EMCN: variants seen among roughly 807,000 people sequenced by gnomAD.
EMCN encodes endomucin, also known as MUC-14.
Under a neutral mutation model 38.4 loss-of-function variants are expected in EMCN, and 37 were observed. The observed-to-expected ratio is 0.96, with a 90% confidence interval of 0.74 to 1.27. EMCN has a LOEUF of 1.27. Ranked by LOEUF, EMCN falls within the 50% of genes most tolerant of loss-of-function variation. The pLI is 0.00. For missense variants in EMCN, 318 were observed against 302.8 expected (o/e 1.05, Z -0.37); for synonymous variants, 95 against 100.8 (o/e 0.94, Z 0.35).
intron 5 of EMCN, among the ~76,000 whole-genome samples, chr4:100,439,059 G>T (rs1727434539): frequency 6.6e-6 from 1 of 151,964 alleles, no homozygotes; most frequent in African/African-American, 2.4e-5. Flanking sequence ...AGACAGATTG[G>T]TCTGCATTTT....
chr4:100,501,629 TTTTC>T (rs1401162840), intron 1 of EMCN, among the ~76,000 whole-genome samples: 5 of 152,118 alleles, frequency 3.3e-5, no homozygotes, highest in Non-Finnish European at 5.9e-5. Context: ...GTCAATCCAG[TTTTC>T]TTTATTTCAA....
At chr4:100,443,431 T>C (rs1000147857) in intron 5 of EMCN, among the ~76,000 whole-genome samples, 6 of 152,240 alleles carry the variant, frequency 3.9e-5, no homozygotes, top group Admixed American at 2.6e-4. Flanking sequence ...CTTCTTTAGT[T>C]GTGATCAATG....
rs13122163 is a variant in EMCN at position 100,415,973 on chromosome 4, A to T, written c.690-14T>A. 0.11 allele frequency: 173,282 copies of T among 1,559,774 alleles called. 10,704 individuals carry two copies. Among genetic ancestry groups the T allele is most frequent in the Middle Eastern group, 0.15 (895 of 5,830 alleles). ...TCAGACTGAGGTCTATTTGAAAAAA[A>T]AAACATGAAATTAACACCACAGTAA... On this transcript the variant is annotated splice_polypyrimidine_tract_variant and intron_variant, in intron 9 of 11. Transcript: ENST00000296420.
At chr4:100,464,148 T>C (rs1008192206) in intron 4 of EMCN, among the ~76,000 whole-genome samples, 2 of 151,552 alleles carry the variant, frequency 1.3e-5, no homozygotes, top group African/African-American at 4.9e-5. Flanking sequence ...CTACATATTT[T>C]ATACTTTTTG....
intron 1 of EMCN, among the ~76,000 whole-genome samples, chr4:100,484,452 A>G (rs189183800): frequency 2.6e-5 from 4 of 152,180 alleles, no homozygotes; most frequent in Non-Finnish European, 5.9e-5. Flanking sequence ...GGGTCTTGCT[A>G]TTTTTCTCAG....
At chr4:100,474,269 A>G (rs1269004124) in intron 3 of EMCN, among the ~76,000 whole-genome samples, 1 of 152,220 alleles carries the variant, frequency 6.6e-6, no homozygotes, top group Non-Finnish European at 1.5e-5. Flanking sequence ...AAATATGTTC[A>G]ACATCATTAA....
chr4:100,473,793 G>T (rs1216262718), intron 3 of EMCN: 2 of 152,696 alleles, frequency 1.3e-5, no homozygotes, highest in South Asian at 1.9e-4. Flanking sequence ...CTCGCTAAGT[G>T]GGTGCCTCAT....
chr4:100,416,976 G>C, intron 9 of EMCN, 141 bp downstream of exon 9: 1 of 752,608 alleles, frequency 1.3e-6, no homozygotes, highest in South Asian at 1.7e-5. Flanking sequence ...GTTAAATGGA[G>C]AGAGCTCTGA....
intron 10 of EMCN, among the ~76,000 whole-genome samples, chr4:100,412,848 A>G (rs748784379): frequency 6.6e-6 from 1 of 152,198 alleles, no homozygotes; most frequent in Non-Finnish European, 1.5e-5. Context: ...GGGAGTATGG[A>G]TGGATGAACA....
chr4:100,437,758 T>A (rs1727397670), intron 5 of EMCN, among the ~76,000 whole-genome samples: 1 of 152,188 alleles, frequency 6.6e-6, no homozygotes, highest in Admixed American at 6.5e-5. Flanking sequence ...GTTTCACTGG[T>A]CTATGTGTCT....
intron 5 of EMCN, among the ~76,000 whole-genome samples, chr4:100,433,755 C>G (rs1393359898): frequency 6.6e-6 from 1 of 151,984 alleles, no homozygotes; most frequent in East Asian, 1.9e-4. Flanking sequence ...AGGCTGGTCT[C>G]AAACTCCTGA....
intron 1 of EMCN, among the ~76,000 whole-genome samples, chr4:100,516,938 T>TC (rs1729774678): frequency 6.6e-6 from 1 of 152,128 alleles, no homozygotes; most frequent in African/African-American, 2.4e-5. Context: ...TCTTCAATTT[T>TC]CACACTTATT....
chr4:100,472,311 A>C, intron 3 of EMCN, among the ~76,000 whole-genome samples: 1 of 151,876 alleles, frequency 6.6e-6, no homozygotes, highest in East Asian at 1.9e-4. Flanking sequence ...ATTTCTATAT[A>C]GTAGCAATGA....
At chr4:100,443,868 C>G (rs1727591129) in intron 5 of EMCN, among the ~76,000 whole-genome samples, 1 of 152,172 alleles carries the variant, frequency 6.6e-6, no homozygotes, top group South Asian at 2.1e-4. Flanking sequence ...AAGGAGTTCT[C>G]TAGAAGCTTG....
Position 100,437,639 on chromosome 4 carries a change from A to G in EMCN, c.415+9894T>C, listed in dbSNP as rs1000922735. Among the ~76,000 whole-genome samples the G allele has an allele frequency of 2.6e-5, 4 of 152,078 alleles. No homozygotes were observed. In the South Asian group the frequency reaches 6.2e-4, roughly 24 times the overall value. ...TTACGTGTAGAAATCCAGTTTTTGC[A>G]GCACCATTTAGTGAAAAGACTATCA... On this transcript the variant is annotated intron_variant, in intron 5 of 11. Transcript: ENST00000296420.
intron 4 of EMCN, among the ~76,000 whole-genome samples, chr4:100,462,957 T>A (rs1728221690): frequency 1.3e-5 from 2 of 152,112 alleles, no homozygotes; most frequent in Admixed American, 1.3e-4. Context: ...CTTTCTACCT[T>A]AGAGATTTCC....
intron 3 of EMCN, among the ~76,000 whole-genome samples, chr4:100,474,740 C>T (rs1348485163): frequency 6.6e-6 from 1 of 152,022 alleles, no homozygotes; most frequent in Non-Finnish European, 1.5e-5. Flanking sequence ...TGAGAGAATC[C>T]AGACACAAAA....
chr4:100,417,757 G>A (rs897151233), intron 8 of EMCN, among the ~76,000 whole-genome samples: 1 of 152,162 alleles, frequency 6.6e-6, no homozygotes, highest in Non-Finnish European at 1.5e-5. Flanking sequence ...TTTAGAGTGA[G>A]AACTCAGAAT....
At chr4:100,461,533 CA>C (rs1359274717) in intron 4 of EMCN, among the ~76,000 whole-genome samples, 2 of 152,014 alleles carry the variant, frequency 1.3e-5, no homozygotes, top group Non-Finnish European at 2.9e-5. Context: ...AAAAAGCCCA[CA>C]TTTTTTAAAT....
Sources: allele counts gnomAD v4.1 joint callset (sites outside exome capture counted in the v4.1 genomes callset), GRCh38; gene constraint gnomAD v4.1.1; transcripts MANE v1.5; gene names NCBI Gene and HGNC (gene_info 2026-07-23, HGNC 2026-07-21).